COG2: variants seen among roughly 807,000 people sequenced by gnomAD.
COG2 encodes conserved oligomeric Golgi complex subunit 2.
In COG2, 52 loss-of-function variants were observed where a neutral mutation model predicts 90.6. That is an observed-to-expected ratio of 0.57 (90% CI 0.46 to 0.72). COG2 has a LOEUF of 0.72. COG2 is among the 30% of genes least tolerant of loss of function. The pLI, the probability that COG2 is intolerant of heterozygous loss-of-function variation, is 0.00. For synonymous variants in COG2, 337 were observed against 320.4 expected, an observed-to-expected ratio of 1.05 and a Z score of -0.55; for missense variants, 829 against 891.2, an observed-to-expected ratio of 0.93 and a Z score of 0.89.
intron 1 of COG2, among the ~76,000 whole-genome samples, chr1:230,651,042 C>T (rs1661903061): frequency 6.6e-6 from 1 of 152,084 alleles, no homozygotes; most frequent in East Asian, 1.9e-4. Flanking sequence ...GACTTTCCAC[C>T]TATAGTTTAT....
chr1:230,648,986 A>G (rs1324470444), intron 1 of COG2, among the ~76,000 whole-genome samples: 4 of 152,246 alleles, frequency 2.6e-5, no homozygotes, highest in Admixed American at 6.5e-5. Context: ...CAGCTGGGAC[A>G]GAGCACAAAT....
chr1:230,686,203 A>G (rs1662880878), intron 12 of COG2, among the ~76,000 whole-genome samples: 1 of 152,166 alleles, frequency 6.6e-6, no homozygotes, highest in South Asian at 2.1e-4. Context: ...CTGTCAGGTA[A>G]TGGGAGTCTA....
intron 16 of COG2, among the ~76,000 whole-genome samples, chr1:230,691,060 C>T (rs1177778917): frequency 6.6e-6 from 1 of 152,028 alleles, no homozygotes; most frequent in Non-Finnish European, 1.5e-5. Context: ...CAAAATTGGT[C>T]TATAGTTTTC....
intron 14 of COG2, 75 bp from the exon 15 acceptor site, chr1:230,688,345 C>T: frequency 6.5e-7 from 1 of 1,536,382 alleles, no homozygotes; most frequent in Non-Finnish European, 8.9e-7. Flanking sequence ...AATGTAAATG[C>T]TGTGACAGTA....
At chr1:230,688,877 A>T (rs1289127219) in intron 15 of COG2, among the ~76,000 whole-genome samples, 1 of 152,188 alleles carries the variant, frequency 6.6e-6, no homozygotes, top group Non-Finnish European at 1.5e-5. Flanking sequence ...TTAAAGTCCT[A>T]TACGTTTTTG....
At position 230,642,515 on chromosome 1, in the gene COG2, A is replaced by C; in HGVS notation, c.-92A>C. ...GAAGCGGACCCCCCTGTGCCGTGGA[A>C]ACTGGCGGTGGCCGCGGCCGCCGAG... is the stretch of plus-strand genomic sequence containing the variant. On this transcript the variant is annotated 5_prime_UTR_variant, in exon 1 of 18. Transcript: ENST00000366669. 7.7e-7 allele frequency: 1 copy of C among 1,306,464 alleles called. No homozygotes were observed. The highest frequency in any genetic ancestry group is 1.1e-6 in the Non-Finnish European group (1 of 929,974). 80.9% of individuals were successfully genotyped at this position (1,306,464 alleles called of 1,614,324 possible). A position where few individuals can be genotyped will look rare whatever the true frequency, so the allele number is the denominator to read the frequency against.
At chr1:230,679,696 T>C (rs182322835) in intron 10 of COG2, 4 of 152,352 alleles carry the variant, frequency 2.6e-5, no homozygotes, top group African/African-American at 9.6e-5. Flanking sequence ...GATGAACCCT[T>C]ATCATACACT....
chr1:230,653,132 T>C (rs1044918697), intron 1 of COG2, among the ~76,000 whole-genome samples: 1 of 152,178 alleles, frequency 6.6e-6, no homozygotes, highest in African/African-American at 2.4e-5. Flanking sequence ...TTATATCATT[T>C]GACATTACTC....
At position 230,691,405 on chromosome 1, in the gene COG2, T is replaced by C. The variant is rs780969761; in HGVS notation, c.1956T>C (p.Asp652=). Residue 652 remains aspartate, a synonymous_variant, in exon 17 of 18, where the codon GAT becomes GAC. Transcript: ENST00000366669. ...CAAGGTACTATGAAACCGTGTCAGATGTATTAAACTCTGTGAAGAAGATGG... is the reference window on the plus strand; with the variant it reads ...CAAGGTACTATGAAACCGTGTCAGACGTATTAAACTCTGTGAAGAAGATGG... ...STHKYYETVS[D]VLNSVKKMEE... 1 of 1,613,024 alleles carries C rather than the reference T, an allele frequency of 6.2e-7. No individual in the cohort carries two copies. The highest frequency in any genetic ancestry group is 1.7e-5 in the Admixed American group (1 of 59,698).
rs1663091066 is a variant in COG2, at chr1:230,693,446, TC to T, written c.*55del. 4 of 1,183,124 alleles carry T rather than the reference TC, an allele frequency of 3.4e-6. No homozygotes were observed. Among genetic ancestry groups the T allele is most frequent in the African/African-American group, 3.0e-5 (2 of 65,702 alleles). 73.3% of individuals were successfully genotyped at this position (1,183,124 alleles called of 1,614,324 possible). On this transcript the variant is annotated 3_prime_UTR_variant, in exon 18 of 18. Transcript: ENST00000366669. The stretch of plus-strand genomic sequence containing the variant: ...TCTTAAGCAAGAGAAGAGTTGGACT[TC>T]CAGGCTGAAGGGGAGAAAGTGACTC...
At chr1:230,684,965 G>A (rs1310883957) in intron 11 of COG2, 120 bp from the exon 12 acceptor site, 2 of 1,213,256 alleles carry the variant, frequency 1.6e-6, no homozygotes, top group Non-Finnish European at 2.3e-6. Context: ...TGACCACATG[G>A]TTTTCTTCAG....
chr1:230,657,865 G>C (rs1403505774), intron 1 of COG2, among the ~76,000 whole-genome samples: 3 of 151,750 alleles, frequency 2.0e-5, no homozygotes, highest in African/African-American at 7.3e-5. Context: ...TTCGGCTATT[G>C]ATACTTGTGT....
At chr1:230,677,946 T>C in intron 9 of COG2, 2 of 890,278 alleles carry the variant, frequency 2.2e-6, no homozygotes, top group Non-Finnish European at 2.7e-6. Flanking sequence ...TTGTCTCAAC[T>C]CCACACACCT....
rs1490546342 is a variant in COG2 at position 230,663,239 on chromosome 1, A to C, written c.381+18A>C. On this transcript the variant is annotated intron_variant, in intron 4 of 17. Coordinates refer to ENST00000366669, the MANE Select transcript of COG2 (RefSeq NM_007357.3). ...AAAAAAAGGTATACTCAAATATTACAATATTAAATCGTTGATTCACTGTAG... is the reference window on the plus strand; with the variant it reads ...AAAAAAAGGTATACTCAAATATTACCATATTAAATCGTTGATTCACTGTAG... The C allele has an allele frequency of 6.3e-7, 1 of 1,594,836 alleles. No individual in the cohort carries two copies. The highest frequency in any genetic ancestry group is 1.3e-5 in the African/African-American group (1 of 74,408).
In COG2 at chr1:230,661,758, A is replaced by G. The variant is rs143068765; in HGVS notation, c.300+935A>G. ...GAATGGCAGGCAAGAAATAATTCTT[A>G]AAAGAGAGGTCTCAAGTTGTGCCTT... On this transcript the variant is annotated intron_variant, in intron 3 of 17. Transcript: ENST00000366669. 8.5e-5 allele frequency among the ~76,000 whole-genome samples: 13 copies of G among 152,336 alleles called. No homozygotes were observed. In the East Asian group the frequency reaches 2.5e-3, roughly 29 times the overall value.
intron 8 of COG2, among the ~76,000 whole-genome samples, chr1:230,673,161 G>A (rs1315674526): frequency 6.6e-6 from 1 of 152,178 alleles, no homozygotes; most frequent in Non-Finnish European, 1.5e-5. Flanking sequence ...AGATTTGACA[G>A]GGCCAGTCTG....
At chr1:230,689,097 G>A (rs891129855) in intron 15 of COG2, among the ~76,000 whole-genome samples, 1 of 152,084 alleles carries the variant, frequency 6.6e-6, no homozygotes, top group African/African-American at 2.4e-5. Context: ...TTGGGAAGCC[G>A]AGGCAGGAGG....
chr1:230,651,232 C>T (rs1419927968), intron 1 of COG2, among the ~76,000 whole-genome samples: 1 of 151,940 alleles, frequency 6.6e-6, no homozygotes, highest in East Asian at 1.9e-4. Context: ...GCTGCAGTAG[C>T]CGATGATTTG....
chr1:230,672,773 A>G (rs1662483789), intron 8 of COG2, among the ~76,000 whole-genome samples: 1 of 152,038 alleles, frequency 6.6e-6, no homozygotes, highest in Non-Finnish European at 1.5e-5. Context: ...TCCATGTTGC[A>G]TTATGATCAC....
Sources: gnomAD v4.1 joint callset for allele counts (sites outside exome capture counted in the v4.1 genomes callset) on GRCh38, gnomAD v4.1.1 for gene constraint, MANE v1.5 for transcripts, NCBI Gene and HGNC (gene_info 2026-07-23, HGNC 2026-07-21) for gene names.